Variants in ATP2B2 observed in about 807,000 individuals in gnomAD.
ATP2B2 encodes the protein plasma membrane calcium-transporting ATPase 2.
ATP2B2 carries 15 observed loss-of-function variants against 120.0 expected under a neutral mutation model. The ratio of observed to expected loss-of-function variants is 0.12; its 90% confidence interval spans 0.08 to 0.19. ATP2B2 has a LOEUF of 0.19. Ranked by LOEUF, ATP2B2 falls within the 10% of genes least tolerant of loss-of-function variation. The pLI is 1.00. For missense variants in ATP2B2, 1,045 were observed against 1,719.8 expected (o/e 0.61, Z 6.94); for synonymous variants, 694 against 700.3 (o/e 0.99, Z 0.14).
chr3:10,533,219 C>T (rs2067245947), intron 3 of ATP2B2, among the ~76,000 whole-genome samples: 1 of 152,180 alleles, frequency 6.6e-6, no homozygotes, highest in Non-Finnish European at 1.5e-5. Context: ...CAAGGAGCCA[C>T]AGAAATCTCA....
chr3:10,592,948 G>C (rs375168054), intron 2 of ATP2B2, among the ~76,000 whole-genome samples: 483 of 152,086 alleles, frequency 3.2e-3, no homozygotes, highest in African/African-American at 0.011. Flanking sequence ...ACCACGCCTG[G>C]CTAATTTTTG....
At chr3:10,391,771 T>C (rs1389047567) in intron 5 of ATP2B2, among the ~76,000 whole-genome samples, 2 of 152,200 alleles carry the variant, frequency 1.3e-5, no homozygotes, top group Non-Finnish European at 2.9e-5. Flanking sequence ...CTCCCTCCAG[T>C]TCCAATCCCT....
intron 1 of ATP2B2, among the ~76,000 whole-genome samples, chr3:10,687,880 A>G (rs2071561778): frequency 6.6e-6 from 1 of 152,176 alleles, no homozygotes; most frequent in East Asian, 1.9e-4. Flanking sequence ...ACAGTAAAAA[A>G]GAACCATTGG....
At chr3:10,475,497 C>G (rs539959113) in intron 1 of ATP2B2, among the ~76,000 whole-genome samples, 1 of 152,206 alleles carries the variant, frequency 6.6e-6, no homozygotes, top group Non-Finnish European at 1.5e-5. Flanking sequence ...GTCATGGGCA[C>G]GGATTGGGGT....
At chr3:10,693,381 G>C (rs186866342) in intron 1 of ATP2B2, among the ~76,000 whole-genome samples, 1 of 152,216 alleles carries the variant, frequency 6.6e-6, no homozygotes, top group Non-Finnish European at 1.5e-5. Flanking sequence ...ATATGTGAGT[G>C]CCTCCTATGT....
chr3:10,437,210 C>T (rs925214227), intron 2 of ATP2B2, among the ~76,000 whole-genome samples: 4 of 151,426 alleles, frequency 2.6e-5, no homozygotes, highest in Admixed American at 1.3e-4. Context: ...AAGATGCCTC[C>T]CTCTCTGGGC....
intron 2 of ATP2B2, among the ~76,000 whole-genome samples, chr3:10,550,306 C>T (rs576469895): frequency 5.9e-5 from 9 of 152,304 alleles, no homozygotes; most frequent in African/African-American, 2.2e-4. Flanking sequence ...TCCTGAAGAT[C>T]AGGACCATAT....
At chr3:10,667,044 TG>T (rs1250635494) in intron 1 of ATP2B2, among the ~76,000 whole-genome samples, 2 of 152,208 alleles carry the variant, frequency 1.3e-5, no homozygotes. Context: ...CTCAGAGCCT[TG>T]GATACCCAGG....
intron 2 of ATP2B2, among the ~76,000 whole-genome samples, chr3:10,562,367 T>G (rs974344793): frequency 6.6e-6 from 1 of 152,046 alleles, no homozygotes; most frequent in Admixed American, 6.6e-5. Context: ...TGTGCGTGGG[T>G]GGGGGAGTTA....
chr3:10,550,504 C>T (rs1239521958), intron 2 of ATP2B2, among the ~76,000 whole-genome samples: 1 of 151,898 alleles, frequency 6.6e-6, no homozygotes, highest in East Asian at 1.9e-4. Context: ...CATTTTTTGT[C>T]TATGTGATAG....
At chr3:10,379,347 A>C in intron 8 of ATP2B2, 63 bp from the exon 9 acceptor site, 2 of 1,546,084 alleles carry the variant, frequency 1.3e-6, no homozygotes, top group East Asian at 2.2e-5. Flanking sequence ...GTCATCACGA[A>C]GACGCAACAG....
chr3:10,522,581 A>G (rs2067006828), intron 3 of ATP2B2, among the ~76,000 whole-genome samples: 1 of 152,198 alleles, frequency 6.6e-6, no homozygotes, highest in African/African-American at 2.4e-5. Flanking sequence ...AGAAAAAGAC[A>G]CTTGAAATAA....
chr3:10,684,316 C>T (rs13081274), intron 1 of ATP2B2, among the ~76,000 whole-genome samples: 6 of 152,200 alleles, frequency 3.9e-5, no homozygotes, highest in Non-Finnish European at 5.9e-5. Flanking sequence ...TGGTGACCAC[C>T]TGGAATGCTG....
At chr3:10,616,373 A>G (rs1469855698) in intron 2 of ATP2B2, among the ~76,000 whole-genome samples, 1 of 152,212 alleles carries the variant, frequency 6.6e-6, no homozygotes, top group Non-Finnish European at 1.5e-5. Context: ...GGAGCCAAAG[A>G]GAGAGGACTT....
chr3:10,552,397 C>T (rs1213364475), intron 2 of ATP2B2, among the ~76,000 whole-genome samples: 3 of 152,264 alleles, frequency 2.0e-5, no homozygotes, highest in Non-Finnish European at 4.4e-5. Flanking sequence ...CAGCGTCCTG[C>T]CTTCCGCCCA....
At chr3:10,594,153 G>A (rs1454310865) in intron 2 of ATP2B2, among the ~76,000 whole-genome samples, 1 of 152,224 alleles carries the variant, frequency 6.6e-6, no homozygotes, top group Non-Finnish European at 1.5e-5. Context: ...GTGGAAGACA[G>A]TGTGGTGATT....
chr3:10,583,952 C>T (rs142613422), intron 2 of ATP2B2, among the ~76,000 whole-genome samples: 16 of 152,344 alleles, frequency 1.1e-4, no homozygotes, highest in African/African-American at 3.6e-4. Flanking sequence ...GACAGCAGCT[C>T]CTTGGCAAAT....
At chr3:10,647,506 C>T (rs1480831623) in intron 1 of ATP2B2, among the ~76,000 whole-genome samples, 2 of 152,196 alleles carry the variant, frequency 1.3e-5, no homozygotes, top group African/African-American at 4.8e-5. Flanking sequence ...TGGTCCCCAT[C>T]CCATGTGTTG....
At chr3:10,520,163 C>T (rs112360616) in intron 3 of ATP2B2, among the ~76,000 whole-genome samples, 24 of 152,320 alleles carry the variant, frequency 1.6e-4, no homozygotes, top group Admixed American at 4.6e-4. Flanking sequence ...AGAGAGGTGT[C>T]GGCTGCCTGT....
Sources: gnomAD v4.1 joint callset for allele counts (sites outside exome capture counted in the v4.1 genomes callset) on GRCh38, gnomAD v4.1.1 for gene constraint, MANE v1.5 for transcripts, NCBI Gene and HGNC (gene_info 2026-07-23, HGNC 2026-07-21) for gene names.